The following LIPA variants were observed in gnomAD, a reference collection of about 807,000 sequenced individuals.
LIPA encodes the protein lysosomal acid lipase/cholesteryl ester hydrolase.
A neutral mutation model predicts 40.6 loss-of-function variants in LIPA; 26 were observed. That is an observed-to-expected ratio of 0.64 (90% CI 0.47 to 0.89). LIPA has a LOEUF of 0.89. Ranked by LOEUF, LIPA falls within the 40% of genes least tolerant of loss-of-function variation. LIPA has a pLI of 0.00. For missense variants in LIPA, 455 were observed against 479.6 expected (o/e 0.95, Z 0.48); for synonymous variants, 188 against 168.4 (o/e 1.12, Z -0.90).
chr10:89,322,134 G>C (rs1013247268), intron 1 of LIPA, among the ~76,000 whole-genome samples: 5 of 152,126 alleles, frequency 3.3e-5, no homozygotes, highest in Non-Finnish European at 7.4e-5. Flanking sequence ...CGAGTTAATG[G>C]GTGCAGCACA....
intron 1 of LIPA, chr10:89,306,368 C>T (rs1843478898): frequency 6.2e-7 from 1 of 1,613,986 alleles, no homozygotes; most frequent in African/African-American, 1.3e-5. Context: ...GAGTCCAGAG[C>T]TTGACTGTGA....
intron 2 of LIPA, chr10:89,392,480 CGTCAG>C: frequency 4.1e-6 from 1 of 242,752 alleles, no homozygotes; most frequent in South Asian, 1.1e-4. Flanking sequence ...CACCCCCCCC[CGTCAG>C]CAGGAATTCC....
Position 89,214,659 on chromosome 10 carries a change from T to C in LIPA, c.*169A>G. 1.7e-6 allele frequency: 1 copy of C among 596,916 alleles called. No homozygotes were observed. The highest frequency in any genetic ancestry group is 2.0e-5 in the South Asian group (1 of 49,194). 37.0% of individuals were successfully genotyped at this position (596,916 alleles called of 1,614,324 possible). A position where few individuals can be genotyped will look rare whatever the true frequency, so the allele number is the denominator to read the frequency against. On this transcript the variant is annotated 3_prime_UTR_variant, in exon 10 of 10. Transcript: ENST00000336233. ...AATTAAAGAAAAAATAGCTAGTATG[T>C]TTCTAATTGAAACTAGAGTGAACTG...
chr10:89,393,435 T>C, intron 2 of LIPA: 1 of 614,320 alleles, frequency 1.6e-6, no homozygotes, highest in South Asian at 2.0e-5. Flanking sequence ...TCAGCTGATT[T>C]AAAAACCATT....
intron 1 of LIPA, among the ~76,000 whole-genome samples, chr10:89,265,076 C>A (rs1843228156): frequency 1.3e-5 from 2 of 152,194 alleles, no homozygotes; most frequent in Non-Finnish European, 2.9e-5. Context: ...CACATCCACA[C>A]CTAACCAGGT....
intron 2 of LIPA, among the ~76,000 whole-genome samples, chr10:89,364,638 CATATATATGTATACATATA>C (rs1051315726): frequency 2.0e-5 from 3 of 149,452 alleles, no homozygotes; most frequent in Admixed American, 6.7e-5. Context: ...CTAAAGTATT[CATATATATGTATACATATA>C]ATATATATGT....
At chr10:89,265,979 T>C (rs751255926) in intron 1 of LIPA, among the ~76,000 whole-genome samples, 1 of 152,250 alleles carries the variant, frequency 6.6e-6, no homozygotes, top group Non-Finnish European at 1.5e-5. Flanking sequence ...TCAAAATGCA[T>C]GTGTACAACA....
chr10:89,336,498 C>G (rs1243730401), intron 1 of LIPA, among the ~76,000 whole-genome samples: 1 of 152,150 alleles, frequency 6.6e-6, no homozygotes, highest in African/African-American at 2.4e-5. Flanking sequence ...GAGAGACAGA[C>G]AGGAAGTATA....
chr10:89,387,698 T>A (rs2133607225), intron 2 of LIPA, among the ~76,000 whole-genome samples: 1 of 152,336 alleles, frequency 6.6e-6, no homozygotes, highest in African/African-American at 2.4e-5. Flanking sequence ...GCAATCCACA[T>A]ATGTAAGCTA....
chr10:89,403,817 T>G (rs1844483988), intron 2 of LIPA: 2 of 661,236 alleles, frequency 3.0e-6, no homozygotes, highest in Middle Eastern at 2.5e-4. Context: ...TTCACTGTAA[T>G]GATGTAATTC....
At chr10:89,311,947 T>A (rs1260343181) in intron 1 of LIPA, among the ~76,000 whole-genome samples, 1 of 152,194 alleles carries the variant, frequency 6.6e-6, no homozygotes, top group African/African-American at 2.4e-5. Context: ...GGAAATCCTC[T>A]CCACACCCAG....
chr10:89,390,137 C>T (rs1258827310), intron 2 of LIPA, among the ~76,000 whole-genome samples: 1 of 151,976 alleles, frequency 6.6e-6, no homozygotes, highest in East Asian at 1.9e-4. Context: ...CAGGCATGTG[C>T]CACCACGCCC....
chr10:89,245,563 T>A, intron 3 of LIPA, 113 bp downstream of exon 3: 2 of 759,778 alleles, frequency 2.6e-6, no homozygotes, highest in Admixed American at 3.4e-5. Context: ...ACACAGTTAG[T>A]GCTTTCGTCT....
At chr10:89,272,561 G>T (rs986998189) in intron 1 of LIPA, among the ~76,000 whole-genome samples, 1 of 152,084 alleles carries the variant, frequency 6.6e-6, no homozygotes, top group Admixed American at 6.5e-5. Context: ...GAACATATAC[G>T]TGCATGTGTC....
chr10:89,359,572 A>G (rs1486622953), intron 2 of LIPA, among the ~76,000 whole-genome samples: 1 of 152,186 alleles, frequency 6.6e-6, no homozygotes, highest in Non-Finnish European at 1.5e-5. Flanking sequence ...GAGCCCTCTG[A>G]CCTGAAGGGC....
At chr10:89,301,220 T>G (rs1843443574) in intron 1 of LIPA, among the ~76,000 whole-genome samples, 1 of 152,228 alleles carries the variant, frequency 6.6e-6, no homozygotes, top group Non-Finnish European at 1.5e-5. Context: ...TAGACAGACA[T>G]CACTGCCCAT....
At chr10:89,299,588 A>G (rs971773104) in intron 1 of LIPA, among the ~76,000 whole-genome samples, 1 of 152,144 alleles carries the variant, frequency 6.6e-6, no homozygotes, top group African/African-American at 2.4e-5. Context: ...CAAAAAGAAA[A>G]TTTTAAAGAC....
intron 1 of LIPA, chr10:89,305,986 G>T (rs759771633): frequency 6.2e-7 from 1 of 1,612,916 alleles, no homozygotes; most frequent in East Asian, 2.2e-5. Flanking sequence ...ATTCCTTGGA[G>T]AGCAGCCTAC....
At chr10:89,363,502 G>A (rs760381663) in intron 2 of LIPA, 2 of 152,290 alleles carry the variant, frequency 1.3e-5, no homozygotes, top group Non-Finnish European at 2.9e-5. Context: ...GCTGGGCTGG[G>A]CGCGGTGGCT....
Sources: allele counts gnomAD v4.1 joint callset (sites outside exome capture counted in the v4.1 genomes callset), GRCh38; gene constraint gnomAD v4.1.1; transcripts MANE v1.5; gene names NCBI Gene and HGNC (gene_info 2026-07-23, HGNC 2026-07-21).